Variants in NCALD observed in about 807,000 individuals in gnomAD.
NCALD encodes neurocalcin delta, also known as neurocalcin-delta.
NCALD carries 10 observed loss-of-function variants against 18.6 expected under a neutral mutation model. The observed-to-expected ratio is 0.54, with a 90% CI of 0.33 to 0.91. NCALD has a LOEUF of 0.91. Ranked by LOEUF, NCALD falls within the 40% of genes least tolerant of loss-of-function variation. The probability of loss-of-function intolerance (pLI) is 0.03; values close to 1 mark genes in which losing one functional copy is unlikely to be tolerated. For synonymous variants in NCALD, 88 were observed against 87.4 expected, an observed-to-expected ratio of 1.01 and a Z score of -0.04; for missense variants, 184 against 247.6, an observed-to-expected ratio of 0.74 and a Z score of 1.72.
At chr8:101,707,914 T>C (rs1329190816) in intron 2 of NCALD, among the ~76,000 whole-genome samples, 1 of 151,808 alleles carries the variant, frequency 6.6e-6, no homozygotes, top group East Asian at 1.9e-4. Flanking sequence ...AATAAATAAA[T>C]AAATAAAACA....
At chr8:101,969,719 T>G (rs1423334408) in intron 2 of NCALD, among the ~76,000 whole-genome samples, 1 of 152,206 alleles carries the variant, frequency 6.6e-6, no homozygotes, top group Non-Finnish European at 1.5e-5. Flanking sequence ...TGGATGACAT[T>G]TCATTACATT....
chr8:102,062,683 G>A (rs774068226), intron 1 of NCALD, among the ~76,000 whole-genome samples: 24 of 152,218 alleles, frequency 1.6e-4, no homozygotes, highest in Non-Finnish European at 2.4e-4. Flanking sequence ...CAGGTTGACT[G>A]AGCTGGATTC....
At chr8:101,911,596 G>C (rs1372382688) in intron 3 of NCALD, among the ~76,000 whole-genome samples, 1 of 151,988 alleles carries the variant, frequency 6.6e-6, no homozygotes, top group Non-Finnish European at 1.5e-5. Flanking sequence ...GACCACAAGT[G>C]ATCTGCCACC....
intron 1 of NCALD, among the ~76,000 whole-genome samples, chr8:102,037,973 T>C (rs758161739): frequency 4.6e-5 from 7 of 152,182 alleles, no homozygotes; most frequent in Non-Finnish European, 1.0e-4. Context: ...AAGCCCACCA[T>C]GTATCCAAAT....
chr8:102,064,092 A>C (rs542764006), intron 1 of NCALD, among the ~76,000 whole-genome samples: 2 of 152,300 alleles, frequency 1.3e-5, no homozygotes, highest in East Asian at 3.9e-4. Context: ...GAATTTCTAA[A>C]CATAAACAAC....
intron 1 of NCALD, among the ~76,000 whole-genome samples, chr8:102,117,070 A>G (rs1825810970): frequency 6.6e-6 from 1 of 152,224 alleles, no homozygotes; most frequent in African/African-American, 2.4e-5. Context: ...AAAAGAGGCA[A>G]AGGATGAAGT....
At chr8:101,856,419 G>A (rs1440725920) in intron 4 of NCALD, among the ~76,000 whole-genome samples, 4 of 152,022 alleles carry the variant, frequency 2.6e-5, no homozygotes, top group Admixed American at 1.3e-4. Flanking sequence ...GCCATCTGCC[G>A]ACCTTGGCTT....
At chr8:102,070,306 T>C (rs1355545702) in intron 1 of NCALD, among the ~76,000 whole-genome samples, 1 of 152,204 alleles carries the variant, frequency 6.6e-6, no homozygotes, top group East Asian at 1.9e-4. Context: ...GAACGACATA[T>C]ATAAAGTATT....
chr8:101,866,742 C>T (rs1220451939), intron 4 of NCALD, among the ~76,000 whole-genome samples: 3 of 152,140 alleles, frequency 2.0e-5, no homozygotes, highest in Non-Finnish European at 4.4e-5. Context: ...ACCACCATTT[C>T]TACCTCCAAA....
chr8:101,818,301 T>G (rs757267686), intron 4 of NCALD, among the ~76,000 whole-genome samples: 3 of 152,206 alleles, frequency 2.0e-5, no homozygotes, highest in Non-Finnish European at 4.4e-5. Flanking sequence ...TTGGTTTGTT[T>G]TGCAATTGGC....
chr8:101,840,894 A>G (rs886618490), intron 4 of NCALD, among the ~76,000 whole-genome samples: 26 of 152,216 alleles, frequency 1.7e-4, no homozygotes, highest in African/African-American at 6.0e-4. Context: ...TACTGTTTGA[A>G]ATTATTAAAT....
chr8:102,060,241 A>G (rs886961438), intron 1 of NCALD, among the ~76,000 whole-genome samples: 17 of 152,056 alleles, frequency 1.1e-4, no homozygotes, highest in Non-Finnish European at 1.2e-4. Context: ...TTGGCCTCCC[A>G]AAATGCTGGG....
intron 2 of NCALD, among the ~76,000 whole-genome samples, chr8:102,009,925 T>TCAGG (rs1327944807): frequency 2.0e-5 from 3 of 152,236 alleles, no homozygotes; most frequent in Non-Finnish European, 2.9e-5. Flanking sequence ...CACATTCACT[T>TCAGG]CAGGGGCACA....
intron 2 of NCALD, among the ~76,000 whole-genome samples, chr8:101,923,627 G>GGA (rs1408297103): frequency 2.1e-4 from 32 of 152,318 alleles, no homozygotes; most frequent in African/African-American, 7.5e-4. Context: ...TCAGTAGCCT[G>GGA]GAGAGAATCC....
At chr8:101,717,834 T>G (rs547235414) in intron 2 of NCALD, among the ~76,000 whole-genome samples, 3 of 152,312 alleles carry the variant, frequency 2.0e-5, no homozygotes, top group African/African-American at 7.2e-5. Flanking sequence ...TAAATTCCAG[T>G]TTATCCAGAA....
intron 1 of NCALD, among the ~76,000 whole-genome samples, chr8:102,106,623 T>C (rs138270780): frequency 5.7e-4 from 86 of 152,186 alleles, no homozygotes; most frequent in African/African-American, 1.9e-3. Context: ...GTTAATTTCA[T>C]ATACAAGGGC....
At chr8:101,801,643 C>CTTTTTCTTTTTTTTT (rs1563783000) in intron 4 of NCALD, among the ~76,000 whole-genome samples, 2 of 44,140 alleles carry the variant, frequency 4.5e-5, no homozygotes, top group Non-Finnish European at 1.1e-4. Context: ...AGCACACTTA[C>CTTTTTCTTTTTTTTT]TTTTTTTTTT....
intron 2 of NCALD, among the ~76,000 whole-genome samples, chr8:102,004,398 G>T (rs1586908484): frequency 6.6e-6 from 1 of 151,948 alleles, no homozygotes; most frequent in East Asian, 1.9e-4. Context: ...ACAAATGGAA[G>T]AACATTCCAT....
At chr8:102,051,170 AATTT>A (rs1402959426) in intron 1 of NCALD, among the ~76,000 whole-genome samples, 1 of 152,042 alleles carries the variant, frequency 6.6e-6, no homozygotes, top group African/African-American at 2.4e-5. Flanking sequence ...CCTGCTTGTA[AATTT>A]TAGTTGGCCT....
Sources: gnomAD v4.1 joint callset for allele counts (sites outside exome capture counted in the v4.1 genomes callset) on GRCh38, gnomAD v4.1.1 for gene constraint, MANE v1.5 for transcripts, NCBI Gene and HGNC (gene_info 2026-07-23, HGNC 2026-07-21) for gene names.